The following FAM193A variants were observed in gnomAD, a reference collection of about 807,000 sequenced individuals.
FAM193A encodes protein FAM193A.
In FAM193A, 22 loss-of-function variants were observed where a neutral mutation model predicts 126.5. That is an observed-to-expected ratio of 0.17 (90% CI 0.12 to 0.25). The LOEUF is 0.25. Ranked by LOEUF, FAM193A falls within the 10% of genes least tolerant of loss-of-function variation. The probability of loss-of-function intolerance (pLI) is 1.00; values close to 1 mark genes in which losing one functional copy is unlikely to be tolerated. For missense variants in FAM193A, 1,675 were observed against 1,672.8 expected, an observed-to-expected ratio of 1.00 and a Z score of -0.02; for synonymous variants, 761 against 646.8, an observed-to-expected ratio of 1.18 and a Z score of -2.68.
intron 1 of FAM193A, among the ~76,000 whole-genome samples, chr4:2,586,202 C>T (rs1013679387): frequency 1.3e-5 from 2 of 151,502 alleles, no homozygotes; most frequent in Non-Finnish European, 2.9e-5. Flanking sequence ...GAGATGATGC[C>T]ATTGCACTCC....
intron 20 of FAM193A, among the ~76,000 whole-genome samples, chr4:2,716,556 G>C (rs1327380607): frequency 6.6e-6 from 1 of 152,202 alleles, no homozygotes; most frequent in East Asian, 1.9e-4. Context: ...CACTGGAGTG[G>C]TATGCTTTTG....
chr4:2,657,439 T>A (rs1459470399), intron 7 of FAM193A, among the ~76,000 whole-genome samples: 1 of 152,204 alleles, frequency 6.6e-6, no homozygotes, highest in Non-Finnish European at 1.5e-5. Flanking sequence ...GAGCTCTTCG[T>A]GTGGCAGGAC....
chr4:2,696,745 GTC>G, intron 18 of FAM193A, 152 bp downstream of exon 18: 1 of 618,660 alleles, frequency 1.6e-6, no homozygotes, highest in East Asian at 2.8e-5. Context: ...GAGCCAGCCT[GTC>G]TCTGGTGGCC....
intron 2 of FAM193A, among the ~76,000 whole-genome samples, chr4:2,599,424 G>T (rs1426208166): frequency 6.6e-6 from 1 of 152,162 alleles, no homozygotes; most frequent in Non-Finnish European, 1.5e-5. Flanking sequence ...CAGGGCTCTG[G>T]TCAGGGCTCA....
intron 2 of FAM193A, among the ~76,000 whole-genome samples, chr4:2,619,006 A>G (rs568371568): frequency 6.6e-6 from 1 of 152,342 alleles, no homozygotes; most frequent in South Asian, 2.1e-4. Flanking sequence ...TGCTGGGATT[A>G]TAGGCGTGAG....
chr4:2,607,317 C>T (rs1469514486), intron 2 of FAM193A, among the ~76,000 whole-genome samples: 1 of 152,198 alleles, frequency 6.6e-6, no homozygotes, highest in Admixed American at 6.5e-5. Flanking sequence ...ATGCTTTGCT[C>T]CTGCTGTCTT....
At chr4:2,537,926 A>G (rs1290555605) in intron 1 of FAM193A, among the ~76,000 whole-genome samples, 11 of 152,120 alleles carry the variant, frequency 7.2e-5, no homozygotes, top group Admixed American at 5.9e-4. Context: ...GCTAGCACAC[A>G]TTGCACCTAC....
chr4:2,669,829 A>G (rs944671809), intron 12 of FAM193A, among the ~76,000 whole-genome samples: 4 of 152,128 alleles, frequency 2.6e-5, no homozygotes, highest in African/African-American at 9.7e-5. Flanking sequence ...TGGCTTTCTC[A>G]AGAAGGTGTT....
intron 1 of FAM193A, among the ~76,000 whole-genome samples, chr4:2,569,950 G>A (rs1376081295): frequency 1.3e-5 from 2 of 152,026 alleles, no homozygotes; most frequent in Non-Finnish European, 2.9e-5. Context: ...ATTGTTGAGG[G>A]GGACCATAAT....
intron 1 of FAM193A, among the ~76,000 whole-genome samples, chr4:2,560,530 T>A (rs532453560): frequency 6.6e-6 from 1 of 152,290 alleles, no homozygotes; most frequent in South Asian, 2.1e-4. Context: ...TCTTCCCTCT[T>A]CACCTTTCTT....
chr4:2,547,905 G>A (rs959486197), intron 1 of FAM193A, among the ~76,000 whole-genome samples: 14 of 151,946 alleles, frequency 9.2e-5, no homozygotes, highest in Non-Finnish European at 1.6e-4. Flanking sequence ...GGTTGCAGGC[G>A]TGAGCCACTG....
chr4:2,660,035 A>G lies in FAM193A; in HGVS notation c.1726A>G (p.Ser576Gly). 1 of 1,613,952 alleles carries G rather than the reference A, an allele frequency of 6.2e-7. No individual in the cohort carries two copies. The highest frequency in any genetic ancestry group is 8.5e-7 in the Non-Finnish European group (1 of 1,179,818). ...QQHPRLILTD[S>G]GSAPTFCSDD... ...GCACCCCAGGCTCATCCTCACAGAC[A>G]GTGGCTCGGCACCAACTTTGTAAGT... The change falls in exon 10 of 21, where the codon AGT becomes GGT. Residue 576 changes from serine (S) to glycine (G), a missense_variant. Physicochemically the swap from Ser to Gly is moderately conservative, Grantham distance 56. This residue lies in a region of FAM193A where 1,186 missense variants were observed against 1,109.2 expected (regional missense o/e 1.07). Transcript: ENST00000637812.
chr4:2,553,382 GT>G (rs71178479), intron 1 of FAM193A, among the ~76,000 whole-genome samples: 67,158 of 118,412 alleles, frequency 0.57, 16,726 homozygotes, highest in Admixed American at 0.61. Flanking sequence ...CCTTCTTTTT[GT>G]TTTTTTTTTT....
At chr4:2,630,390 A>G (rs1743441191) in intron 4 of FAM193A, among the ~76,000 whole-genome samples, 1 of 151,902 alleles carries the variant, frequency 6.6e-6, no homozygotes, top group Admixed American at 6.6e-5. Flanking sequence ...ATACAAACCC[A>G]TTTGGATTGT....
At chr4:2,607,093 G>A (rs1741592710) in intron 2 of FAM193A, among the ~76,000 whole-genome samples, 2 of 152,198 alleles carry the variant, frequency 1.3e-5, no homozygotes, top group South Asian at 4.1e-4. Flanking sequence ...ATTCCTCGAG[G>A]CGGACTCTTC....
At chr4:2,676,964 G>A (rs1020652441) in intron 13 of FAM193A, among the ~76,000 whole-genome samples, 2 of 152,022 alleles carry the variant, frequency 1.3e-5, no homozygotes, top group African/African-American at 4.8e-5. Flanking sequence ...TTTTCATGCA[G>A]TCCAATTTGT....
At chr4:2,663,015 C>A (rs1712658471) in intron 11 of FAM193A, 24 bp downstream of exon 11, 3 of 1,599,766 alleles carry the variant, frequency 1.9e-6, no homozygotes, top group African/African-American at 2.7e-5. Flanking sequence ...TTCTTCGTAG[C>A]AACAATAAAT....
intron 1 of FAM193A, among the ~76,000 whole-genome samples, chr4:2,543,516 G>C (rs1578559396): frequency 6.6e-6 from 1 of 151,784 alleles, no homozygotes; most frequent in Non-Finnish European, 1.5e-5. Context: ...GGGTGACGTG[G>C]AGAGACCCTC....
chr4:2,557,849 G>C lies in FAM193A; in HGVS notation c.255+20679G>C, dbSNP rs532447512. On this transcript the variant is annotated intron_variant, in intron 1 of 20. Transcript: ENST00000637812. Reference sequence around the variant, plus strand: ...CGCCTGTAGTCCCAGCTACTCGGGAGGCTGAGGCAGAAGAATCGCTTGAAC... The same window carrying C: ...CGCCTGTAGTCCCAGCTACTCGGGACGCTGAGGCAGAAGAATCGCTTGAAC... Among the ~76,000 whole-genome samples, 3 of 152,252 alleles carry C rather than the reference G, an allele frequency of 2.0e-5. No homozygotes were observed. In the South Asian group the frequency reaches 6.2e-4, roughly 32 times the overall value.
Sources: gnomAD v4.1 joint callset for allele counts (sites outside exome capture counted in the v4.1 genomes callset) on GRCh38, gnomAD v4.1.1 for gene constraint, gnomAD v4.1.1 regional missense constraint, MANE v1.5 for transcripts, NCBI Gene and HGNC (gene_info 2026-07-23, HGNC 2026-07-21) for gene names.